Variants in RTL4 observed in about 807,000 individuals in gnomAD.
RTL4 encodes retrotransposon Gag like 4.
RTL4 carries 4 observed loss-of-function variants against 5.3 expected under a neutral mutation model. The observed-to-expected ratio is 0.75, with a 90% CI of 0.37 to 1.72. The LOEUF (loss-of-function observed/expected upper bound fraction) is 1.72. Ranked by LOEUF, RTL4 falls within the 40% of genes most tolerant of loss-of-function variation. The pLI, the probability that RTL4 is intolerant of heterozygous loss-of-function variation, is 0.04. For synonymous variants in RTL4, 98 were observed against 87.3 expected (o/e 1.12, Z -0.68); for missense variants, 260 against 227.1 (o/e 1.14, Z -0.93).
At chrX:112,411,463 T>A in the RTL4 span, among the ~76,000 whole-genome samples, 1 of 111,078 alleles carries the variant, frequency 9.0e-6, no homozygotes, top group Admixed American at 9.6e-5. Context: ...ATCAAAATAC[T>A]AGCAAATGAA....
At chrX:112,174,343 G>T in the RTL4 span, among the ~76,000 whole-genome samples, 1 of 97,022 alleles carries the variant, frequency 1.0e-5, no homozygotes, top group Non-Finnish European at 2.0e-5. Context: ...TTGGTTTTTT[G>T]TCCTTGCGAT....
At chrX:112,118,687 A>G in the RTL4 span, among the ~76,000 whole-genome samples, 1 of 112,006 alleles carries the variant, frequency 8.9e-6, no homozygotes, top group South Asian at 3.7e-4. Flanking sequence ...GTGTGCTATG[A>G]TATAATTTTG....
chrX:112,455,062 A>T (rs368882861), exon 1 of RTL4: 1 of 1,211,743 alleles, frequency 8.3e-7, no homozygotes, highest in Non-Finnish European at 1.1e-6. Flanking sequence ...AAGTTGTGGG[A>T]TCATATCTGG....
the RTL4 span, among the ~76,000 whole-genome samples, chrX:112,255,026 C>G: frequency 8.9e-6 from 1 of 111,934 alleles, no homozygotes; most frequent in Non-Finnish European, 1.9e-5. Context: ...ACATAACTTA[C>G]ACGTCTCTCA....
At chrX:112,324,324 G>A in the RTL4 span, among the ~76,000 whole-genome samples, 1 of 111,959 alleles carries the variant, frequency 8.9e-6, no homozygotes, top group Non-Finnish European at 1.9e-5. Context: ...TTCCTTGGCA[G>A]TGCAGAAGCT....
At chrX:112,231,490 A>G in the RTL4 span, among the ~76,000 whole-genome samples, 3 of 103,016 alleles carry the variant, frequency 2.9e-5, no homozygotes, top group Admixed American at 3.3e-4. Context: ...CAAACACTGC[A>G]TGTTCTCACT....
chrX:112,177,044 A>G, the RTL4 span, among the ~76,000 whole-genome samples: 1 of 109,321 alleles, frequency 9.1e-6, no homozygotes, highest in Non-Finnish European at 1.9e-5. Flanking sequence ...TATATATACT[A>G]TGGTGTTGGT....
the RTL4 span, among the ~76,000 whole-genome samples, chrX:112,119,425 C>T: frequency 9.1e-6 from 1 of 110,379 alleles, no homozygotes; most frequent in Admixed American, 9.7e-5. Flanking sequence ...ACAGTTGTCA[C>T]GATTGCAGTG....
chrX:112,420,428 G>T, the RTL4 span, among the ~76,000 whole-genome samples: 1 of 111,430 alleles, frequency 9.0e-6, no homozygotes, highest in Non-Finnish European at 1.9e-5. Flanking sequence ...GAAATAAGGT[G>T]AGAATATTCC....
At chrX:112,437,376 T>C in the RTL4 span, among the ~76,000 whole-genome samples, 1 of 112,257 alleles carries the variant, frequency 8.9e-6, no homozygotes, top group Non-Finnish European at 1.9e-5. Flanking sequence ...ATATAGCTAA[T>C]AATTTAGTTC....
the RTL4 span, among the ~76,000 whole-genome samples, chrX:112,347,101 A>G: frequency 6.2e-4 from 69 of 111,979 alleles, no homozygotes; most frequent in Non-Finnish European, 1.1e-3. Flanking sequence ...TTATGTGACT[A>G]AAGAAAAGTG....
At chrX:112,373,229 T>G in the RTL4 span, among the ~76,000 whole-genome samples, 2 of 111,573 alleles carry the variant, frequency 1.8e-5, no homozygotes, top group African/African-American at 6.5e-5. Context: ...GCCAGTCTCC[T>G]AAAGTGTTTT....
the RTL4 span, among the ~76,000 whole-genome samples, chrX:112,271,489 C>T: frequency 0.014 from 1,526 of 112,140 alleles, 18 homozygotes; most frequent in African/African-American, 0.045. Flanking sequence ...TACCTTGTTT[C>T]ATTTATTCAT....
chrX:112,155,083 C>G, the RTL4 span, among the ~76,000 whole-genome samples: 1 of 110,828 alleles, frequency 9.0e-6, no homozygotes, highest in East Asian at 2.9e-4. Flanking sequence ...GGAGCAGACC[C>G]TCACCAGACA....
the RTL4 span, among the ~76,000 whole-genome samples, chrX:112,444,301 C>G: frequency 9.0e-6 from 1 of 111,338 alleles, no homozygotes; most frequent in African/African-American, 3.3e-5. Context: ...CATTGGCCAA[C>G]GTTTCTGTTT....
the RTL4 span, among the ~76,000 whole-genome samples, chrX:112,415,035 T>C: frequency 3.6e-5 from 4 of 111,613 alleles, no homozygotes; most frequent in African/African-American, 6.5e-5. Flanking sequence ...GTTTTAGATA[T>C]GAAATTGCTA....
At chrX:112,374,848 C>T in the RTL4 span, among the ~76,000 whole-genome samples, 1 of 111,226 alleles carries the variant, frequency 9.0e-6, no homozygotes, top group Non-Finnish European at 1.9e-5. Flanking sequence ...ACATTGCCCT[C>T]GGCTGAAGAG....
the RTL4 span, among the ~76,000 whole-genome samples, chrX:112,413,679 A>C: frequency 9.0e-6 from 1 of 111,174 alleles, no homozygotes; most frequent in South Asian, 3.8e-4. Flanking sequence ...TAGAGGGTAG[A>C]AGGATGGTGA....
At chrX:112,399,313 T>G in the RTL4 span, among the ~76,000 whole-genome samples, 8 of 111,825 alleles carry the variant, frequency 7.2e-5, no homozygotes, top group Non-Finnish European at 1.5e-4. Flanking sequence ...GTTTTTCTAT[T>G]TTATAGGTTT....
Sources: gnomAD v4.1 joint callset for allele counts (sites outside exome capture counted in the v4.1 genomes callset) on GRCh38, gnomAD v4.1.1 for gene constraint, MANE v1.5 for transcripts, NCBI Gene and HGNC (gene_info 2026-07-23, HGNC 2026-07-21) for gene names.